SPEG: variants seen among roughly 807,000 people sequenced by gnomAD.
SPEG encodes the protein striated muscle preferentially expressed protein kinase.
SPEG carries 114 observed loss-of-function variants against 300.4 expected under a neutral mutation model. That is an observed-to-expected ratio of 0.38 (90% CI 0.33 to 0.44). The LOEUF (loss-of-function observed/expected upper bound fraction) is 0.44. Among genes scored for constraint, SPEG ranks in the 20% least tolerant of loss-of-function variants. The pLI, the probability that SPEG is intolerant of heterozygous loss-of-function variation, is 1.00. For missense variants in SPEG, 4,201 were observed against 4,586.2 expected (o/e 0.92, Z 2.43); for synonymous variants, 1,964 against 2,018.9 (o/e 0.97, Z 0.73).
chr2:219,435,495 C>A, intron 1 of SPEG, 130 bp downstream of exon 1: 1 of 1,047,646 alleles, frequency 9.5e-7, no homozygotes, highest in Non-Finnish European at 1.3e-6. Flanking sequence ...CCTGGCTTCT[C>A]GGCTGCCCGG....
chr2:219,490,547 G>C lies in SPEG; in HGVS notation c.9060G>C (p.Glu3020Asp). ...EYEVLRTLHH[E>D]RIMSLHEAYI... ...AGGTGCTGCGGACCCTGCACCACGA[G>C]CGGATCATGTCCCTGCACGAGGCCT... The change falls in exon 37 of 41, where the codon GAG (glutamate) becomes GAC (aspartate). Residue 3020 changes from glutamate (E) to aspartate (D), a missense_variant. By Grantham distance (45) the Glu-to-Asp change is conservative. This residue lies in a region of SPEG where 318 missense variants were observed against 429.5 expected (regional missense o/e 0.74). Transcript: ENST00000312358. The C allele has an allele frequency of 6.2e-7, 1 of 1,613,720 alleles. No individual in the cohort carries two copies. The highest frequency in any genetic ancestry group is 8.5e-7 in the Non-Finnish European group (1 of 1,180,020).
chr2:219,470,771 C>A (rs914837576), intron 13 of SPEG, among the ~76,000 whole-genome samples: 3 of 151,360 alleles, frequency 2.0e-5, no homozygotes, highest in Admixed American at 6.6e-5. Context: ...GTCAAACTAT[C>A]ATTTATTAGC....
In SPEG at chr2:219,489,815, A is replaced by G. The variant is rs755078028; in HGVS notation, c.8797A>G (p.Ser2933Gly). Residue 2933 changes from serine (S) to glycine (G), a missense_variant, in exon 36 of 41, where the codon AGC becomes GGC. Physicochemically the swap from Ser to Gly is moderately conservative, Grantham distance 56. This residue lies in a region of SPEG where 1,578 missense variants were observed against 1,506.0 expected (regional missense o/e 1.05). Coordinates refer to ENST00000312358, the MANE Select transcript of SPEG (RefSeq NM_005876.5). ...TACCAAGGTGACTGTGCAGAGCCTC[A>G]GCCCGGCCAAGGAGGTGGTCAGCTC... ...EPTKVTVQSL[S>G]PAKEVVSSPG... The G allele has an allele frequency of 1.9e-6, 3 of 1,613,490 alleles. No homozygotes were observed. The highest frequency in any genetic ancestry group is 2.7e-5 in the African/African-American group (2 of 75,016).
rs201626656 is a variant in SPEG, at chr2:219,492,725, G to A, written c.9743G>A (p.Arg3248His). Residue 3248 changes from arginine (R) to histidine (H), a missense_variant, in exon 41 of 41, where the codon CGC becomes CAC. By Grantham distance (29) the Arg-to-His change is conservative. Coordinates refer to ENST00000312358, the MANE Select transcript of SPEG (RefSeq NM_005876.5). ...LKEFLGEQRR[R>H]RAEAATRHKV... ...GAGTTCCTGGGCGAGCAGCGGCGGC[G>A]CCGGGCTGAGGCTGCCACCCGCCAC... The A allele has an allele frequency of 8.0e-5, 128 of 1,591,686 alleles. No individual in the cohort carries two copies. Among genetic ancestry groups the A allele is most frequent in the Non-Finnish European group, 3.5e-5 (41 of 1,174,038 alleles).
At position 219,451,419 on chromosome 2, in the gene SPEG, T is replaced by C; in HGVS notation, c.2257+140T>C. ...CCCCTCCACGGGGGCTGCCCTGACT[T>C]GGGTGTGTGTTCAGGGACATTTCTC... On this transcript the variant is annotated intron_variant, in intron 5 of 40. Transcript: ENST00000312358. The surrounding 1 kb of genome is among the most constrained non-coding windows in gnomAD (Gnocchi z 6.4). 8.0e-7 allele frequency: 1 copy of C among 1,250,818 alleles called. No homozygotes were observed. Among genetic ancestry groups the C allele is most frequent in the Non-Finnish European group, 1.1e-6 (1 of 931,564 alleles). 77.5% of individuals were successfully genotyped at this position (1,250,818 alleles called of 1,614,324 possible).
chr2:219,480,786 C>A lies in SPEG; in HGVS notation c.5369+89C>A. ...CTGCAGCCCACCCCCTTCTCTTCCG[C>A]ACCCCCCACTCCTTCTTGCACTGCA... On this transcript the variant is annotated intron_variant, in intron 26 of 40. Transcript: ENST00000312358. The surrounding 1 kb of genome is among the most constrained non-coding windows in gnomAD (Gnocchi z 5.3). 8.2e-7 allele frequency: 1 copy of A among 1,226,416 alleles called. No individual in the cohort carries two copies. Among genetic ancestry groups the A allele is most frequent in the Non-Finnish European group, 1.2e-6 (1 of 829,256 alleles). 76.0% of individuals were successfully genotyped at this position (1,226,416 alleles called of 1,614,324 possible).
rs1453598899 is a variant in SPEG, at chr2:219,483,314, A to C, written c.5851A>C (p.Thr1951Pro). ...PEFSGSRVSL[T>P]DIPTEDEALG... ...GTTCTCTGGCTCCCGGGTGTCCCTC[A>C]CAGACATTCCCACTGAGGATGAGGC... The change falls in exon 30 of 41, where the codon ACA becomes CCA. Residue 1951 changes from threonine to proline, a missense_variant. Physicochemically the swap from Thr to Pro is conservative, Grantham distance 38. This residue lies in a region of SPEG where 1,578 missense variants were observed against 1,506.0 expected (regional missense o/e 1.05). Transcript: ENST00000312358. The C allele has an allele frequency of 6.2e-7, 1 of 1,606,636 alleles. No individual in the cohort carries two copies. The highest frequency in any genetic ancestry group is 2.2e-5 in the East Asian group (1 of 44,736).
chr2:219,476,611 A>G (rs1212803442), intron 18 of SPEG, among the ~76,000 whole-genome samples: 1 of 152,074 alleles, frequency 6.6e-6, no homozygotes, highest in Non-Finnish European at 1.5e-5. Context: ...AAACAAAGCA[A>G]GCCTGCACCT....
At position 219,480,724 on chromosome 2, in the gene SPEG, C is replaced by A; in HGVS notation, c.5369+27C>A. 1 of 1,612,168 alleles carries A rather than the reference C, an allele frequency of 6.2e-7. No homozygotes were observed. Among genetic ancestry groups the A allele is most frequent in the Non-Finnish European group, 8.5e-7 (1 of 1,178,260 alleles). ...TAAGGACCCCTCTGCAATGTCCCAGCAGTCTCCTGGCAGGTCTACCCCTAA... is the reference window on the plus strand; with the variant it reads ...TAAGGACCCCTCTGCAATGTCCCAGAAGTCTCCTGGCAGGTCTACCCCTAA... On this transcript the variant is annotated intron_variant, in intron 26 of 40. Transcript: ENST00000312358. This position sits in a 1 kb window ranked among gnomAD's most constrained non-coding sequence, Gnocchi z 5.3.
At position 219,443,114 on chromosome 2, in the gene SPEG, G is replaced by T. The variant is rs776219351; in HGVS notation, c.389-1539G>T. The T allele has an allele frequency of 6.2e-7, 1 of 1,612,368 alleles. No individual in the cohort carries two copies. The highest frequency in any genetic ancestry group is 1.7e-4 in the Middle Eastern group (1 of 6,054). On this transcript the variant is annotated intron_variant, in intron 1 of 40. Transcript: ENST00000312358. The surrounding 1 kb of genome is among the most constrained non-coding windows in gnomAD (Gnocchi z 4.6). ...TCTGGCTTTTCTCTTTCAGAAAACCGGCCATTCCCGCCGGGCCTTTGGCCG... is the reference window on the plus strand; with the variant it reads ...TCTGGCTTTTCTCTTTCAGAAAACCTGCCATTCCCGCCGGGCCTTTGGCCG...
Position 219,485,474 on chromosome 2 carries a change from T to A in SPEG, c.7738T>A (p.Ser2580Thr). The change falls in exon 31 of 41, where the codon TCA becomes ACA. Residue 2580 changes from serine (S) to threonine (T), a missense_variant. Ser to Thr is a moderately conservative substitution (Grantham distance 58). This residue lies in a region of SPEG where 1,578 missense variants were observed against 1,506.0 expected (regional missense o/e 1.05). Coordinates refer to ENST00000312358, the MANE Select transcript of SPEG (RefSeq NM_005876.5). ...ELGHQYVRSE[S>T]DFPPVFHIKL... ...GGGTCACCAGTACGTGCGCAGTGAG[T>A]CAGGTAATAAGAGGCCTGCTGGGTG... is the stretch of plus-strand genomic sequence containing the variant. 2 of 1,578,248 alleles carry A rather than the reference T, an allele frequency of 1.3e-6. No individual in the cohort carries two copies. Among genetic ancestry groups the A allele is most frequent in the Non-Finnish European group, 1.7e-6 (2 of 1,161,276 alleles).
intron 6 of SPEG, among the ~76,000 whole-genome samples, chr2:219,456,867 A>T (rs527858564): frequency 1.1e-4 from 11 of 103,744 alleles, no homozygotes; most frequent in Non-Finnish European, 1.9e-4. Context: ...TGAGATCATA[A>T]CATTGCACTC....
intron 6 of SPEG, among the ~76,000 whole-genome samples, chr2:219,452,613 A>G (rs1034732569): frequency 1.3e-5 from 2 of 151,654 alleles, no homozygotes; most frequent in African/African-American, 2.4e-5. Context: ...CAGAGGACCT[A>G]GGTTGGGGGA....
Position 219,481,552 on chromosome 2 carries a change from C to T in SPEG, c.5523-86C>T, listed in dbSNP as rs889041317. 4 of 1,603,968 alleles carry T rather than the reference C, an allele frequency of 2.5e-6. No homozygotes were observed. The highest frequency in any genetic ancestry group is 2.7e-5 in the African/African-American group (2 of 74,688). On this transcript the variant is annotated intron_variant, in intron 27 of 40. Transcript: ENST00000312358. The surrounding 1 kb of genome is among the most constrained non-coding windows in gnomAD (Gnocchi z 5.4). Reference sequence around the variant, plus strand: ...TCCTGCCCCTCGACATGCAAGCCCCCAACTCCTTAGGAGCCCTGTTTGCTC... The same window carrying T: ...TCCTGCCCCTCGACATGCAAGCCCCTAACTCCTTAGGAGCCCTGTTTGCTC...
At position 219,480,276 on chromosome 2, in the gene SPEG, CT is replaced by C; in HGVS notation, c.5342+137del. 1.1e-6 allele frequency: 1 copy of C among 934,098 alleles called. No homozygotes were observed. Among genetic ancestry groups the C allele is most frequent in the Non-Finnish European group, 1.6e-6 (1 of 621,094 alleles). The allele number at this position is 934,098 out of a possible 1,614,324, so 57.9% of individuals were successfully genotyped here. A position where few individuals can be genotyped will look rare whatever the true frequency, so the allele number is the denominator to read the frequency against. On this transcript the variant is annotated intron_variant, in intron 25 of 40. Transcript: ENST00000312358. This position sits in a 1 kb window ranked among gnomAD's most constrained non-coding sequence, Gnocchi z 5.3. ...GGGCTGGAGGCATTGTTTGCAGGGT[CT>C]CCTGCCCATGTTACTCCTTGCCCCT...
rs774365939 is a variant in SPEG, at chr2:219,483,229, G to A, written c.5766G>A (p.Ser1922=). The A allele has an allele frequency of 6.2e-7, 1 of 1,610,496 alleles. No individual in the cohort carries two copies. Among genetic ancestry groups the A allele is most frequent in the South Asian group, 1.1e-5 (1 of 90,632 alleles). The part of the protein sequence containing the change: ...PPPSGGLSSS[S]DSEEEELEEL... ...CCAGTGGGGGGCTCTCATCCTCCTCGGATTCTGAAGAGGAAGAGCTGGAAG... is the reference window on the plus strand; with the variant it reads ...CCAGTGGGGGGCTCTCATCCTCCTCAGATTCTGAAGAGGAAGAGCTGGAAG... The change falls in exon 30 of 41, where the codon TCG becomes TCA. Residue 1922 remains serine, a synonymous_variant. Coordinates refer to ENST00000312358, the MANE Select transcript of SPEG (RefSeq NM_005876.5).
In SPEG at chr2:219,479,042, T is replaced by G; in HGVS notation, c.5028-102T>G. On this transcript the variant is annotated intron_variant, in intron 22 of 40. Coordinates refer to ENST00000312358, the MANE Select transcript of SPEG (RefSeq NM_005876.5). This position sits in a 1 kb window ranked among gnomAD's most constrained non-coding sequence, Gnocchi z 5.5. ...TCTCTGGCTAGTATCAAGCATTCTG[T>G]AAGGGGAAGGAGAACCCCGTGCTGA... The G allele has an allele frequency of 1.0e-6, 1 of 998,050 alleles. No individual in the cohort carries two copies. Among genetic ancestry groups the G allele is most frequent in the Non-Finnish European group, 1.6e-6 (1 of 642,996 alleles). The allele number at this position is 998,050 out of a possible 1,614,324, so 61.8% of individuals were successfully genotyped here.
chr2:219,483,645 G>T lies in SPEG; in HGVS notation c.6182G>T (p.Gly2061Val). ...CTGGCCCGGGGAGGCCTGGGTGAGGGCGAGTATGCCCAGAGGCTGCAGGCC... is the reference window on the plus strand; with the variant it reads ...CTGGCCCGGGGAGGCCTGGGTGAGGTCGAGTATGCCCAGAGGCTGCAGGCC... ...TRLARGGLGEGEYAQRLQALR... is the reference protein window; with the variant it reads ...TRLARGGLGEVEYAQRLQALR... Residue 2061 changes from glycine to valine, a missense_variant, in exon 30 of 41, where the codon GGC becomes GTC. Around this residue, in one of 4 missense-constraint regions of SPEG, gnomAD observed 1,578 missense variants for 1,506.0 expected, o/e 1.05. Transcript: ENST00000312358. The T allele has an allele frequency of 6.5e-7, 1 of 1,528,016 alleles. No individual in the cohort carries two copies. Among genetic ancestry groups the T allele is most frequent in the Non-Finnish European group, 8.7e-7 (1 of 1,144,552 alleles). The allele number at this position is 1,528,016 out of a possible 1,614,324, so 94.7% of individuals were successfully genotyped here.
At chr2:219,460,678 C>T (rs1483455766) in intron 6 of SPEG, 2 of 985,390 alleles carry the variant, frequency 2.0e-6, no homozygotes, top group Non-Finnish European at 2.4e-6. Flanking sequence ...CCCCTCTCCC[C>T]TCTCCTCCCC....
Sources: allele counts gnomAD v4.1 joint callset (sites outside exome capture counted in the v4.1 genomes callset), GRCh38; gene constraint gnomAD v4.1.1; regional missense constraint gnomAD v4.1.1; non-coding constraint Gnocchi (gnomAD v3.1); transcripts MANE v1.5; gene names NCBI Gene and HGNC (gene_info 2026-07-23, HGNC 2026-07-21).